The following PLPPR1 variants were observed in gnomAD, a reference collection of about 807,000 sequenced individuals.
PLPPR1 encodes the protein phospholipid phosphatase-related protein type 1.
In PLPPR1, 10 loss-of-function variants were observed where a neutral mutation model predicts 33.1. The ratio of observed to expected loss-of-function variants is 0.30; its 90% CI spans 0.19 to 0.51. The LOEUF (loss-of-function observed/expected upper bound fraction) is 0.51. Among genes scored for constraint, PLPPR1 ranks in the 20% least tolerant of loss-of-function variants. The pLI is 0.97. For synonymous variants in PLPPR1, 151 were observed against 151.0 expected (o/e 1.00, Z 0.00); for missense variants, 304 against 408.1 (o/e 0.74, Z 2.20).
intron 3 of PLPPR1, among the ~76,000 whole-genome samples, chr9:101,270,323 G>A (rs1828072665): frequency 6.6e-6 from 1 of 152,166 alleles, no homozygotes; most frequent in African/African-American, 2.4e-5. Flanking sequence ...ATGTGAGAAT[G>A]TTATAAATCA....
chr9:101,288,129 C>T (rs1247726867), intron 4 of PLPPR1, among the ~76,000 whole-genome samples: 5 of 152,070 alleles, frequency 3.3e-5, no homozygotes, highest in Non-Finnish European at 7.4e-5. Flanking sequence ...TTATATAGAC[C>T]TTTATGCATT....
At chr9:101,228,344 G>GAACA (rs1350854891) in intron 2 of PLPPR1, among the ~76,000 whole-genome samples, 2 of 152,240 alleles carry the variant, frequency 1.3e-5, no homozygotes, top group Middle Eastern at 3.4e-3. Context: ...GGATGCAGTG[G>GAACA]AACAAACACT....
chr9:101,247,282 C>A (rs532745149), intron 2 of PLPPR1, among the ~76,000 whole-genome samples: 1 of 151,886 alleles, frequency 6.6e-6, no homozygotes, highest in Non-Finnish European at 1.5e-5. Flanking sequence ...GTGGTCTCCA[C>A]GGAAGATTTT....
chr9:101,215,069 A>G (rs1168129412), intron 2 of PLPPR1, among the ~76,000 whole-genome samples: 2 of 151,940 alleles, frequency 1.3e-5, no homozygotes, highest in African/African-American at 2.4e-5. Flanking sequence ...TAAAGGGACC[A>G]GATAAACTCT....
chr9:101,292,634 G>C (rs1012247038), intron 4 of PLPPR1, among the ~76,000 whole-genome samples: 1 of 150,340 alleles, frequency 6.7e-6, no homozygotes, highest in Non-Finnish European at 1.5e-5. Flanking sequence ...TGGGCGGGGC[G>C]GGGGGGGCCA....
intron 2 of PLPPR1, among the ~76,000 whole-genome samples, chr9:101,209,076 T>C (rs1196401991): frequency 6.6e-6 from 1 of 152,232 alleles, no homozygotes. Flanking sequence ...GCATCATCAT[T>C]ACCTGGGAAC....
chr9:101,237,944 T>C (rs1588088785), intron 2 of PLPPR1, among the ~76,000 whole-genome samples: 1 of 121,346 alleles, frequency 8.2e-6, no homozygotes, highest in East Asian at 2.8e-4. Flanking sequence ...ATATATATGC[T>C]ATATATATAT....
chr9:101,064,766 C>G (rs538330968), intron 1 of PLPPR1, among the ~76,000 whole-genome samples: 91 of 152,032 alleles, frequency 6.0e-4, no homozygotes, highest in Admixed American at 1.1e-3. Flanking sequence ...ATTGAGGGAG[C>G]GCATCTGATG....
chr9:101,057,408 C>A (rs778532170), intron 1 of PLPPR1, among the ~76,000 whole-genome samples: 19 of 152,114 alleles, frequency 1.2e-4, no homozygotes, highest in Admixed American at 1.2e-3. Flanking sequence ...TGGATTATTT[C>A]TCTAAAATGA....
intron 2 of PLPPR1, among the ~76,000 whole-genome samples, chr9:101,235,057 T>C (rs1827272581): frequency 6.6e-6 from 1 of 151,898 alleles, no homozygotes; most frequent in African/African-American, 2.4e-5. Context: ...ATCTAGCATT[T>C]ATATCATGGC....
chr9:101,315,315 G>T (rs559460529), intron 6 of PLPPR1, among the ~76,000 whole-genome samples: 1 of 152,280 alleles, frequency 6.6e-6, no homozygotes, highest in South Asian at 2.1e-4. Flanking sequence ...GGGAAGAGAA[G>T]GGTTTCAAAG....
rs112149170 is a variant in PLPPR1 at position 101,319,030 on chromosome 9, C to T, written c.945+1534C>T. Among the ~76,000 whole-genome samples the T allele has an allele frequency of 3.3e-5, 5 of 152,314 alleles. 1 individual carries two copies. Among genetic ancestry groups the T allele is most frequent in the South Asian group, 2.1e-4 (1 of 4,824 alleles). ...TGCATTTGGCATTTTCCTACTCAAG[C>T]ATTTTTATAGAAGATATAAAAGATA... On this transcript the variant is annotated intron_variant, in intron 7 of 7. Transcript: ENST00000374874.
intron 5 of PLPPR1, among the ~76,000 whole-genome samples, chr9:101,312,078 C>T (rs1047513620): frequency 6.6e-6 from 1 of 152,186 alleles, no homozygotes; most frequent in Non-Finnish European, 1.5e-5. Context: ...TTTTACTTAG[C>T]TCAGGTCTTC....
At chr9:101,235,540 T>C (rs1005138640) in intron 2 of PLPPR1, among the ~76,000 whole-genome samples, 7 of 151,876 alleles carry the variant, frequency 4.6e-5, no homozygotes, top group Admixed American at 2.6e-4. Context: ...TGTACTTTCA[T>C]TTTCTAAAGT....
chr9:101,080,466 G>A (rs1249127384), intron 1 of PLPPR1, among the ~76,000 whole-genome samples: 2 of 152,162 alleles, frequency 1.3e-5, no homozygotes, highest in Non-Finnish European at 2.9e-5. Context: ...AATGAGCCAT[G>A]ATTGTGCCAC....
At chr9:101,279,953 G>C (rs562927520) in intron 3 of PLPPR1, among the ~76,000 whole-genome samples, 1 of 152,078 alleles carries the variant, frequency 6.6e-6, no homozygotes, top group South Asian at 2.1e-4. Context: ...AAATAATAAA[G>C]ATCAGAGCAG....
At chr9:101,296,937 AAAGTAT>A (rs1828656149) in intron 4 of PLPPR1, among the ~76,000 whole-genome samples, 2 of 152,176 alleles carry the variant, frequency 1.3e-5, no homozygotes, top group Admixed American at 1.3e-4. Context: ...CCTAAAACTT[AAAGTAT>A]AATAATAATA....
intron 1 of PLPPR1, among the ~76,000 whole-genome samples, chr9:101,096,067 C>A (rs1314041481): frequency 6.6e-6 from 1 of 152,040 alleles, no homozygotes; most frequent in Non-Finnish European, 1.5e-5. Context: ...ATTGCTGGAA[C>A]AATTTTCTTC....
chr9:101,204,421 C>A (rs1023002442), intron 2 of PLPPR1, among the ~76,000 whole-genome samples: 8 of 152,180 alleles, frequency 5.3e-5, no homozygotes, highest in African/African-American at 9.7e-5. Context: ...CTTTGACCTT[C>A]CCACCTGGAT....
Sources: gnomAD v4.1 joint callset for allele counts (sites outside exome capture counted in the v4.1 genomes callset) on GRCh38, gnomAD v4.1.1 for gene constraint, MANE v1.5 for transcripts, NCBI Gene and HGNC (gene_info 2026-07-23, HGNC 2026-07-21) for gene names.